The following PRTG variants were observed in gnomAD, a reference collection of about 807,000 sequenced individuals.
PRTG encodes the protein protogenin, also known as immunoglobulin superfamily, DCC subclass, member 5.
Under a neutral mutation model 122.5 loss-of-function variants are expected in PRTG, and 67 were observed. That is an observed-to-expected ratio of 0.55 (90% CI 0.45 to 0.67). The LOEUF is 0.67. Among genes scored for constraint, PRTG ranks in the 30% least tolerant of loss-of-function variants. PRTG has a pLI of 0.00. For synonymous variants in PRTG, 554 were observed against 501.1 expected (o/e 1.11, Z -1.41); for missense variants, 1,435 against 1,415.4 (o/e 1.01, Z -0.22).
At position 55,743,105 on chromosome 15, in the gene PRTG, G is replaced by T; in HGVS notation, c.-174C>A. 1.6e-6 allele frequency: 2 copies of T among 1,278,554 alleles called. No individual in the cohort carries two copies. The highest frequency in any genetic ancestry group is 2.0e-6 in the Non-Finnish European group (2 of 1,017,198). The allele number at this position is 1,278,554 out of a possible 1,614,324, so 79.2% of individuals were successfully genotyped here. A position where few individuals can be genotyped will look rare whatever the true frequency, so the allele number is the denominator to read the frequency against. On this transcript the variant is annotated 5_prime_UTR_variant, in exon 1 of 20. Coordinates refer to ENST00000389286, the MANE Select transcript of PRTG (RefSeq NM_173814.6). ...CGGCGGCGAGGCTGGTGCTCGGACG[G>T]CCGCTCGCGAGAAGCAAGGGGCCTG...
chr15:55,669,339 C>T (rs2059455624), intron 11 of PRTG, among the ~76,000 whole-genome samples: 1 of 152,104 alleles, frequency 6.6e-6, no homozygotes, highest in East Asian at 1.9e-4. Flanking sequence ...CTTTAATGTG[C>T]AAAAGCTCAG....
chr15:55,741,572 C>T (rs986139422), intron 1 of PRTG, among the ~76,000 whole-genome samples: 5 of 152,158 alleles, frequency 3.3e-5, no homozygotes, highest in Non-Finnish European at 7.3e-5. Flanking sequence ...ACTCTGTCAC[C>T]TCCTGCATTT....
chr15:55,743,136 C>G lies in PRTG; in HGVS notation c.-205G>C, dbSNP rs988166149. The G allele has an allele frequency of 5.6e-6, 7 of 1,253,162 alleles. No homozygotes were observed. The African/African-American group carries it at 7.8e-5, about 14-fold the overall frequency. 77.6% of individuals were successfully genotyped at this position (1,253,162 alleles called of 1,614,324 possible). On this transcript the variant is annotated 5_prime_UTR_variant, in exon 1 of 20. Coordinates refer to ENST00000389286, the MANE Select transcript of PRTG (RefSeq NM_173814.6). ...CGCGAGAAGCAAGGGGCCTGAGAGT[C>G]CGGCTGGGGGCGGAGTGAGGCGGCG...
At position 55,614,096 on chromosome 15, in the gene PRTG, G is replaced by C. The variant is rs2059132074; in HGVS notation, c.*5916C>G. Reference sequence around the variant, plus strand: ...TTATTCTGGCCTTTCTCATAATGGAGACAGCTTTATCGATTTAGTTGAAGA... The same window carrying C: ...TTATTCTGGCCTTTCTCATAATGGACACAGCTTTATCGATTTAGTTGAAGA... On this transcript the variant is annotated 3_prime_UTR_variant, in exon 20 of 20. Coordinates refer to ENST00000389286, the MANE Select transcript of PRTG (RefSeq NM_173814.6). 6.6e-6 allele frequency: 1 copy of C among 152,068 alleles called. No homozygotes were observed. The highest frequency in any genetic ancestry group is 2.4e-5 in the African/African-American group (1 of 41,416). The allele number at this position is 152,068 out of a possible 1,614,324, so 9.4% of individuals were successfully genotyped here. A position where few individuals can be genotyped will look rare whatever the true frequency, so the allele number is the denominator to read the frequency against.
Position 55,740,568 on chromosome 15 carries a change from T to C in PRTG, c.211A>G (p.Thr71Ala), listed in dbSNP as rs1178330945. The change falls in exon 2 of 20, where the codon ACA becomes GCA. Residue 71 changes from threonine to alanine, a missense_variant. Physicochemically the swap from Thr to Ala is moderately conservative, Grantham distance 58. Coordinates refer to ENST00000389286, the MANE Select transcript of PRTG (RefSeq NM_173814.6). ...ATTTTTGCTCCATTTTTCAACCATGTGACCTTAATAGGAACTTCTCCGTGA... is the reference window on the plus strand; with the variant it reads ...ATTTTTGCTCCATTTTTCAACCATGCGACCTTAATAGGAACTTCTCCGTGA... ...QAHGEVPIKV[T>A]WLKNGAKMSE... 24 of 1,614,078 alleles carry C rather than the reference T, an allele frequency of 1.5e-5. No individual in the cohort carries two copies. Among genetic ancestry groups the C allele is most frequent in the Non-Finnish European group, 1.9e-5 (23 of 1,180,036 alleles).
In PRTG at chr15:55,614,240, G is replaced by A. The variant is rs966148219; in HGVS notation, c.*5772C>T. 3.3e-5 allele frequency: 5 copies of A among 151,930 alleles called. No homozygotes were observed. The highest frequency in any genetic ancestry group is 1.2e-4 in the African/African-American group (5 of 41,360). 9.4% of individuals were successfully genotyped at this position (151,930 alleles called of 1,614,324 possible). A position where few individuals can be genotyped will look rare whatever the true frequency, so the allele number is the denominator to read the frequency against. On this transcript the variant is annotated 3_prime_UTR_variant, in exon 20 of 20. Coordinates refer to ENST00000389286, the MANE Select transcript of PRTG (RefSeq NM_173814.6). ...TTTGAGAACCAGGAAAAGGCCGATT[G>A]GAACCAAAAAAGAATGACAAGAAAG... is the stretch of plus-strand genomic sequence containing the variant.
In PRTG at chr15:55,673,572, G is replaced by C. The variant is rs1595638375; in HGVS notation, c.1651C>G (p.Leu551Val). The change falls in exon 10 of 20, where the codon CTG (leucine) becomes GTG (valine). Residue 551 changes from leucine to valine, a missense_variant. Physicochemically the swap from Leu to Val is conservative, Grantham distance 32. Coordinates refer to ENST00000389286, the MANE Select transcript of PRTG (RefSeq NM_173814.6). ...PAKYRRGQVV[L>V]YRLSFRLSTE... ...CTTAGGCGGAAAGACAAGCGATACA[G>C]CACCACTTGGCCCCGCCGATATTTG... is the stretch of plus-strand genomic sequence containing the variant. 6.2e-7 allele frequency: 1 copy of C among 1,614,184 alleles called. No homozygotes were observed. Among genetic ancestry groups the C allele is most frequent in the Non-Finnish European group, 8.5e-7 (1 of 1,180,018 alleles).
At chr15:55,703,953 T>C (rs1273597655) in intron 2 of PRTG, among the ~76,000 whole-genome samples, 1 of 152,196 alleles carries the variant, frequency 6.6e-6, no homozygotes, top group Non-Finnish European at 1.5e-5. Context: ...AATGCATTTA[T>C]CAAGTGATTA....
At chr15:55,696,183 G>C (rs1413749618) in intron 2 of PRTG, among the ~76,000 whole-genome samples, 1 of 151,798 alleles carries the variant, frequency 6.6e-6, no homozygotes, top group Non-Finnish European at 1.5e-5. Context: ...AGGATCACTT[G>C]AGCCTGGGAG....
At chr15:55,738,256 T>C (rs1314043246) in intron 2 of PRTG, 3 of 384,712 alleles carry the variant, frequency 7.8e-6, no homozygotes, top group African/African-American at 6.2e-5. Flanking sequence ...ATAATTTCTA[T>C]AGAGATGCAA....
intron 2 of PRTG, among the ~76,000 whole-genome samples, chr15:55,739,679 C>T (rs2031548925): frequency 6.6e-6 from 1 of 152,112 alleles, no homozygotes; most frequent in Non-Finnish European, 1.5e-5. Flanking sequence ...ACAGGTCAAC[C>T]ACCAAGCAAT....
chr15:55,682,412 C>A lies in PRTG; in HGVS notation c.628G>T (p.Val210Leu). 1.9e-6 allele frequency: 3 copies of A among 1,606,686 alleles called. No homozygotes were observed. The South Asian group carries it at 3.3e-5, about 18-fold the overall frequency. Residue 210 changes from valine to leucine, a missense_variant, in exon 4 of 20, where the codon GTA (valine) becomes TTA (leucine). Transcript: ENST00000389286. The part of the protein sequence containing the change: ...SGNYRCIAAT[V>L]AHRRKSMEAS... Reference sequence around the variant, plus strand: ...TCCATACTTTTACGTCGGTGGGCTACAGTGGCAGCAATACAACGATAATTT... The same window carrying A: ...TCCATACTTTTACGTCGGTGGGCTAAAGTGGCAGCAATACAACGATAATTT...
intron 1 of PRTG, among the ~76,000 whole-genome samples, chr15:55,741,677 C>T (rs1241498940): frequency 6.6e-6 from 1 of 152,188 alleles, no homozygotes; most frequent in East Asian, 1.9e-4. Flanking sequence ...TCCTCCTGAT[C>T]GTTGTGGATC....
chr15:55,671,750 G>A (rs1165927507), intron 11 of PRTG, among the ~76,000 whole-genome samples: 4 of 152,028 alleles, frequency 2.6e-5, no homozygotes, highest in South Asian at 2.1e-4. Flanking sequence ...ATCCACCCGC[G>A]TTGGCCTCCC....
intron 7 of PRTG, among the ~76,000 whole-genome samples, chr15:55,678,332 C>A (rs1287780949): frequency 6.6e-6 from 1 of 152,142 alleles, no homozygotes; most frequent in Non-Finnish European, 1.5e-5. Context: ...GCCTCAAACT[C>A]CTGGGCTCAA....
chr15:55,676,202 A>T (rs537675260), intron 8 of PRTG, among the ~76,000 whole-genome samples: 2 of 152,194 alleles, frequency 1.3e-5, no homozygotes, highest in African/African-American at 4.8e-5. Flanking sequence ...TTGTTCTTTT[A>T]TTTATAATAC....
intron 2 of PRTG, among the ~76,000 whole-genome samples, chr15:55,684,267 A>G (rs762012400): frequency 4.6e-5 from 7 of 152,282 alleles, no homozygotes; most frequent in Non-Finnish European, 7.3e-5. Flanking sequence ...ATACTATTGT[A>G]TATCAGAGGA....
intron 11 of PRTG, among the ~76,000 whole-genome samples, chr15:55,652,754 T>C (rs976603824): frequency 3.9e-5 from 6 of 152,110 alleles, no homozygotes; most frequent in African/African-American, 1.4e-4. Flanking sequence ...CAAATCACAT[T>C]TGCACAATGC....
rs535344940 is a variant in PRTG, at chr15:55,635,688, G to A, written c.2623+1482C>T. ...TTAATGAAAAATACGAACATGCAAC[G>A]ATCAAAACTCCAGGTAAAGTCATCA... On this transcript the variant is annotated intron_variant, in intron 15 of 19. Transcript: ENST00000389286. Among the ~76,000 whole-genome samples the A allele has an allele frequency of 9.2e-5, 14 of 152,176 alleles. 1 individual carries two copies. The South Asian group carries it at 1.0e-3, about 11-fold the overall frequency.
Sources: gnomAD v4.1 joint callset for allele counts (sites outside exome capture counted in the v4.1 genomes callset) on GRCh38, gnomAD v4.1.1 for gene constraint, MANE v1.5 for transcripts, NCBI Gene and HGNC (gene_info 2026-07-23, HGNC 2026-07-21) for gene names.